CGNL1: variants seen among roughly 807,000 people sequenced by gnomAD.
CGNL1 encodes the protein cingulin like 1.
CGNL1 carries 132 observed loss-of-function variants against 141.2 expected under a neutral mutation model. The observed-to-expected ratio is 0.93, with a 90% CI of 0.81 to 1.08. CGNL1 has a LOEUF of 1.08. Among genes scored for constraint, CGNL1 ranks in the 50% least tolerant of loss-of-function variants. The probability of loss-of-function intolerance (pLI) is 0.00; values close to 1 mark genes in which losing one functional copy is unlikely to be tolerated. For missense variants in CGNL1, 1,870 were observed against 1,588.6 expected, an observed-to-expected ratio of 1.18 and a Z score of -3.01; for synonymous variants, 690 against 622.1, an observed-to-expected ratio of 1.11 and a Z score of -1.63.
intron 9 of CGNL1, among the ~76,000 whole-genome samples, 155 bp from the exon 10 acceptor site, chr15:57,518,238 G>T (rs570222223): frequency 1.3e-5 from 2 of 152,302 alleles, no homozygotes; most frequent in East Asian, 3.9e-4. Flanking sequence ...CAAGAACACG[G>T]CTGTTGTGTG....
intron 1 of CGNL1, among the ~76,000 whole-genome samples, chr15:57,428,411 G>A (rs192049340): frequency 6.6e-6 from 1 of 152,334 alleles, no homozygotes; most frequent in Non-Finnish European, 1.5e-5. Context: ...GAGAGAAGAG[G>A]TGCTGTGAGG....
intron 1 of CGNL1, among the ~76,000 whole-genome samples, chr15:57,400,176 G>A (rs2152248413): frequency 6.6e-6 from 1 of 152,002 alleles, no homozygotes; most frequent in South Asian, 2.1e-4. Flanking sequence ...AAATTTTTTT[G>A]TTTGTAGAGA....
chr15:57,475,338 G>C (rs1595744005), intron 8 of CGNL1, among the ~76,000 whole-genome samples: 2 of 52,818 alleles, frequency 3.8e-5, no homozygotes, highest in Admixed American at 3.3e-4. Context: ...CTCCACAGAA[G>C]AGTGTGCCCT....
rs115894342 is a variant in CGNL1, at chr15:57,470,162, C to T, written c.2403+8270C>T. Among the ~76,000 whole-genome samples the T allele has an allele frequency of 6.1e-4, 92 of 151,608 alleles. 1 individual carries two copies. Among genetic ancestry groups the T allele is most frequent in the African/African-American group, 2.2e-3 (91 of 41,256 alleles). The stretch of plus-strand genomic sequence containing the variant: ...AAGGAAAATATCTCTTTTCCACAGA[C>T]TCAAGCCTGCCTAGAGTGACATGGA... On this transcript the variant is annotated intron_variant, in intron 8 of 18. Transcript: ENST00000281282.
rs1595684614 is a variant in CGNL1 at position 57,420,016 on chromosome 15, T to C, written c.-15-17969T>C. ...TACTTTGAGTTATCCAACACTATTT[T>C]TTGGGCCATTGGGAGATCTTTTAGT... is the stretch of plus-strand genomic sequence containing the variant. On this transcript the variant is annotated intron_variant, in intron 1 of 18. Coordinates refer to ENST00000281282, the MANE Select transcript of CGNL1 (RefSeq NM_032866.5). Among the ~76,000 whole-genome samples, 4 of 152,346 alleles carry C rather than the reference T, an allele frequency of 2.6e-5. No homozygotes were observed. The Middle Eastern group carries it at 0.01, about 389-fold the overall frequency.
At chr15:57,389,643 T>C (rs1279386570) in intron 1 of CGNL1, among the ~76,000 whole-genome samples, 1 of 152,204 alleles carries the variant, frequency 6.6e-6, no homozygotes, top group Non-Finnish European at 1.5e-5. Context: ...GAGTGCTCTG[T>C]ATGTGTTTGA....
chr15:57,473,321 CT>C, intron 8 of CGNL1, among the ~76,000 whole-genome samples: 1 of 152,102 alleles, frequency 6.6e-6, no homozygotes, highest in African/African-American at 2.4e-5. Context: ...TAGATTTTTA[CT>C]TGGTGGAAAA....
intron 8 of CGNL1, among the ~76,000 whole-genome samples, chr15:57,468,182 G>A (rs569476970): frequency 2.0e-5 from 3 of 150,550 alleles, no homozygotes; most frequent in African/African-American, 7.3e-5. Context: ...TGTTGCAAAT[G>A]TGTGAAGTTT....
At chr15:57,495,539 A>G (rs779699919) in intron 8 of CGNL1, among the ~76,000 whole-genome samples, 38 of 152,200 alleles carry the variant, frequency 2.5e-4, no homozygotes, top group Non-Finnish European at 3.8e-4. Flanking sequence ...CCTTTGACCT[A>G]GGAACACCAT....
intron 8 of CGNL1, among the ~76,000 whole-genome samples, chr15:57,507,057 A>T: frequency 6.6e-6 from 1 of 152,176 alleles, no homozygotes; most frequent in East Asian, 1.9e-4. Flanking sequence ...ATCACCCTAA[A>T]TGAAGCCCCT....
At chr15:57,534,913 C>G (rs1666567) in intron 14 of CGNL1, among the ~76,000 whole-genome samples, 22,664 of 152,216 alleles carry the variant, frequency 0.15, 2,094 homozygotes, top group East Asian at 0.45. Context: ...ACTCTGAATT[C>G]TCACAAGCTC....
intron 18 of CGNL1, 24 bp downstream of exon 18, chr15:57,546,263 A>C (rs1194843585): frequency 6.5e-7 from 1 of 1,546,754 alleles, no homozygotes; most frequent in Non-Finnish European, 8.7e-7. Context: ...GAGGCCACAG[A>C]GGGCCGGGTA....
intron 1 of CGNL1, among the ~76,000 whole-genome samples, chr15:57,413,179 T>TTCTCTCTTTC (rs1185071870): frequency 5.7e-5 from 7 of 122,744 alleles, no homozygotes; most frequent in African/African-American, 2.2e-4. Flanking sequence ...CTTTCTTTCT[T>TTCTCTCTTTC]TCTTTCTCTC....
chr15:57,434,968 C>T (rs1186326920), intron 1 of CGNL1, among the ~76,000 whole-genome samples: 3 of 151,810 alleles, frequency 2.0e-5, no homozygotes, highest in African/African-American at 7.3e-5. Flanking sequence ...AGGAAGAGAG[C>T]AATGAGACCC....
chr15:57,460,605 C>T (rs907525520), intron 7 of CGNL1, among the ~76,000 whole-genome samples: 17 of 152,256 alleles, frequency 1.1e-4, no homozygotes, highest in African/African-American at 2.9e-4. Context: ...GAAGCAGGCA[C>T]CTTCTTCACA....
At chr15:57,380,761 C>A (rs894936496) in intron 1 of CGNL1, among the ~76,000 whole-genome samples, 2 of 152,134 alleles carry the variant, frequency 1.3e-5, no homozygotes, top group Non-Finnish European at 2.9e-5. Context: ...AACAGGGGTA[C>A]TTCCTGGGAG....
intron 14 of CGNL1, among the ~76,000 whole-genome samples, chr15:57,534,674 C>T (rs530980598): frequency 7.9e-5 from 12 of 152,270 alleles, no homozygotes; most frequent in African/African-American, 2.6e-4. Context: ...AACGTAAGGC[C>T]GCTTTTCCTC....
chr15:57,421,698 G>A (rs1435429103), intron 1 of CGNL1, among the ~76,000 whole-genome samples: 1 of 152,140 alleles, frequency 6.6e-6, no homozygotes, highest in Non-Finnish European at 1.5e-5. Flanking sequence ...GAAGGAAGTA[G>A]AGAATGGTGA....
At chr15:57,453,612 T>G in intron 6 of CGNL1, 71 bp from the exon 7 acceptor site, 1 of 1,584,288 alleles carries the variant, frequency 6.3e-7, no homozygotes. Flanking sequence ...CCTCTGAAGA[T>G]CAGAAATCAG....
Sources: allele counts gnomAD v4.1 joint callset (sites outside exome capture counted in the v4.1 genomes callset), GRCh38; gene constraint gnomAD v4.1.1; transcripts MANE v1.5; gene names NCBI Gene and HGNC (gene_info 2026-07-23, HGNC 2026-07-21).